The following WDFY3 variants were observed in gnomAD, a reference collection of about 807,000 sequenced individuals.
WDFY3 encodes the protein WD repeat and FYVE domain-containing protein 3.
A neutral mutation model predicts 409.6 loss-of-function variants in WDFY3; 66 were observed. The ratio of observed to expected loss-of-function variants is 0.16; its 90% CI spans 0.13 to 0.20. The LOEUF is 0.20. Ranked by LOEUF, WDFY3 falls within the 10% of genes least tolerant of loss-of-function variation. The pLI, the probability that WDFY3 is intolerant of heterozygous loss-of-function variation, is 1.00. For synonymous variants in WDFY3, 1,521 were observed against 1,537.1 expected (o/e 0.99, Z 0.25); for missense variants, 3,031 against 4,298.1 (o/e 0.71, Z 8.24).
At chr4:84,923,000 T>G (rs937885991) in intron 2 of WDFY3, among the ~76,000 whole-genome samples, 1 of 152,210 alleles carries the variant, frequency 6.6e-6, no homozygotes, top group Non-Finnish European at 1.5e-5. Flanking sequence ...CTGGGACACA[T>G]GCTGTGAGAT....
intron 4 of WDFY3, among the ~76,000 whole-genome samples, chr4:84,856,012 C>T (rs908306799): frequency 4.6e-5 from 7 of 152,132 alleles, no homozygotes; most frequent in African/African-American, 1.4e-4. Context: ...TATTTCAGGG[C>T]TGAATTCAGC....
At chr4:84,841,404 T>C (rs1002880400) in intron 5 of WDFY3, 141 bp from the exon 6 acceptor site, 1 of 673,118 alleles carries the variant, frequency 1.5e-6, no homozygotes, top group Non-Finnish European at 2.5e-6. Flanking sequence ...ACTTTAAAAA[T>C]AGCAATGTTT....
intron 65 of WDFY3, 95 bp downstream of exon 65, chr4:84,678,824 G>T: frequency 7.2e-7 from 1 of 1,382,674 alleles, no homozygotes; most frequent in Non-Finnish European, 9.9e-7. Flanking sequence ...CACATCCAGG[G>T]TGGGGCCCAG....
chr4:84,714,675 G>A (rs1030610692), intron 50 of WDFY3, among the ~76,000 whole-genome samples: 4 of 152,086 alleles, frequency 2.6e-5, no homozygotes, highest in Admixed American at 6.5e-5. Flanking sequence ...GGCCGGGCAC[G>A]GTGGGTGGCT....
intron 25 of WDFY3, 53 bp downstream of exon 25, chr4:84,782,910 C>T: frequency 1.9e-6 from 3 of 1,573,448 alleles, no homozygotes; most frequent in East Asian, 2.2e-5. Context: ...AAAGTGAATG[C>T]AAACTTGATG....
At chr4:84,691,919 A>C in intron 59 of WDFY3, 134 bp from the exon 60 acceptor site, 1 of 909,604 alleles carries the variant, frequency 1.1e-6, no homozygotes, top group Non-Finnish European at 1.6e-6. Flanking sequence ...ATGATCTCTG[A>C]AATAGAGCTG....
intron 1 of WDFY3, among the ~76,000 whole-genome samples, chr4:84,941,815 A>G (rs1772173040): frequency 6.6e-6 from 1 of 152,124 alleles, no homozygotes; most frequent in Admixed American, 6.5e-5. Flanking sequence ...TGGCAGTGGT[A>G]AAAGCACCTA....
chr4:84,853,246 C>T (rs527743138), intron 4 of WDFY3, among the ~76,000 whole-genome samples: 53 of 152,352 alleles, frequency 3.5e-4, no homozygotes, highest in African/African-American at 1.3e-3. Context: ...TCTCGGCTCA[C>T]TGCAACCTCT....
At chr4:84,758,429 G>T (rs1385964923) in intron 32 of WDFY3, among the ~76,000 whole-genome samples, 1 of 151,976 alleles carries the variant, frequency 6.6e-6, no homozygotes, top group African/African-American at 2.4e-5. Flanking sequence ...AAATTTTTTG[G>T]TAGAGACAAG....
At chr4:84,883,796 G>A (rs896749171) in intron 3 of WDFY3, among the ~76,000 whole-genome samples, 15 of 152,052 alleles carry the variant, frequency 9.9e-5, no homozygotes, top group Admixed American at 3.9e-4. Flanking sequence ...TTAAAATTAA[G>A]TTTCTCATCT....
chr4:84,746,008 GA>G (rs1315645556), intron 36 of WDFY3, among the ~76,000 whole-genome samples: 5 of 151,478 alleles, frequency 3.3e-5, no homozygotes, highest in Non-Finnish European at 7.4e-5. Flanking sequence ...TAAACATTTT[GA>G]AAAAAATGGT....
chr4:84,813,976 A>AT (rs776571896), intron 13 of WDFY3, among the ~76,000 whole-genome samples: 4 of 152,206 alleles, frequency 2.6e-5, no homozygotes. Flanking sequence ...ACATGATGAA[A>AT]TATATGACAG....
At chr4:84,837,419 C>T (rs774237564) in intron 6 of WDFY3, among the ~76,000 whole-genome samples, 9 of 152,128 alleles carry the variant, frequency 5.9e-5, no homozygotes, top group Non-Finnish European at 1.3e-4. Flanking sequence ...CTACTTAATT[C>T]TCCTGAGATT....
chr4:84,782,562 G>C (rs1166317297), intron 25 of WDFY3, among the ~76,000 whole-genome samples: 1 of 152,060 alleles, frequency 6.6e-6, no homozygotes, highest in Non-Finnish European at 1.5e-5. Context: ...GACAGGCCCT[G>C]GTATGTGATG....
At chr4:84,887,333 G>C (rs1764372088) in intron 3 of WDFY3, among the ~76,000 whole-genome samples, 1 of 152,126 alleles carries the variant, frequency 6.6e-6, no homozygotes, top group Non-Finnish European at 1.5e-5. Context: ...AATTACAGAA[G>C]AAAACAAATG....
intron 50 of WDFY3, among the ~76,000 whole-genome samples, chr4:84,714,216 G>C (rs1044907947): frequency 2.0e-5 from 3 of 152,172 alleles, no homozygotes; most frequent in Admixed American, 6.5e-5. Flanking sequence ...GACCTCCTGG[G>C]CTTAAGCAAT....
intron 5 of WDFY3, chr4:84,844,618 T>A: frequency 1.1e-6 from 1 of 901,090 alleles, no homozygotes. Flanking sequence ...ATTGCTGGAT[T>A]GCTGCCCATA....
At chr4:84,699,649 C>T (rs1047982620) in intron 56 of WDFY3, among the ~76,000 whole-genome samples, 4 of 152,094 alleles carry the variant, frequency 2.6e-5, no homozygotes, top group Non-Finnish European at 4.4e-5. Flanking sequence ...AGTGGCTAAA[C>T]CATTTTATGC....
chr4:84,716,763 C>T, intron 49 of WDFY3, 133 bp downstream of exon 49: 1 of 683,982 alleles, frequency 1.5e-6, no homozygotes, highest in Non-Finnish European at 1.9e-6. Context: ...CATGCCACTG[C>T]ACTCCAGCCT....
Sources: gnomAD v4.1 joint callset for allele counts (sites outside exome capture counted in the v4.1 genomes callset) on GRCh38, gnomAD v4.1.1 for gene constraint, MANE v1.5 for transcripts, NCBI Gene and HGNC (gene_info 2026-07-23, HGNC 2026-07-21) for gene names.